Variants in CC2D2A observed in about 807,000 individuals in gnomAD.
CC2D2A encodes coiled-coil and C2 domain containing 2A, also known as coiled-coil and C2 domain-containing protein 2A.
A neutral mutation model predicts 212.9 loss-of-function variants in CC2D2A; 155 were observed. The observed-to-expected ratio is 0.73, with a 90% CI of 0.64 to 0.83. CC2D2A has a LOEUF of 0.83. Ranked by LOEUF, CC2D2A falls within the 40% of genes least tolerant of loss-of-function variation. The pLI is 0.00. For missense variants in CC2D2A, 1,856 were observed against 1,956.2 expected (o/e 0.95, Z 0.97); for synonymous variants, 667 against 686.5 (o/e 0.97, Z 0.44).
chr4:15,551,295 G>A (rs1718997053), intron 18 of CC2D2A, among the ~76,000 whole-genome samples: 2 of 152,188 alleles, frequency 1.3e-5, no homozygotes, highest in South Asian at 2.1e-4. Flanking sequence ...GGACAAACAT[G>A]TATGCATAAA....
At chr4:15,598,090 T>A (rs753617739) in intron 35 of CC2D2A, among the ~76,000 whole-genome samples, 35 of 152,208 alleles carry the variant, frequency 2.3e-4, no homozygotes, top group Non-Finnish European at 4.4e-4. Flanking sequence ...TACTCTCAAT[T>A]TCTCCATAAT....
chr4:15,480,367 G>GT (rs1465896434), intron 3 of CC2D2A, among the ~76,000 whole-genome samples: 1 of 152,166 alleles, frequency 6.6e-6, no homozygotes. Context: ...TTTAGCTGCT[G>GT]TTTGCAAACT....
chr4:15,497,770 T>C (rs1298692745), intron 4 of CC2D2A, among the ~76,000 whole-genome samples: 1 of 152,220 alleles, frequency 6.6e-6, no homozygotes, highest in Non-Finnish European at 1.5e-5. Context: ...AAACATCTTT[T>C]CATGTGCTAG....
intron 8 of CC2D2A, among the ~76,000 whole-genome samples, chr4:15,512,129 C>G (rs912549847): frequency 1.1e-4 from 16 of 152,316 alleles, no homozygotes; most frequent in Non-Finnish European, 2.2e-4. Context: ...AACAGTGCAG[C>G]TGCTGTGAAA....
At chr4:15,568,300 A>G (rs890970578) in intron 26 of CC2D2A, among the ~76,000 whole-genome samples, 2 of 152,272 alleles carry the variant, frequency 1.3e-5, no homozygotes. Flanking sequence ...AGAAGAAACT[A>G]AAACCCAAAA....
chr4:15,543,112 G>T (rs554299566), intron 17 of CC2D2A, among the ~76,000 whole-genome samples: 2 of 152,264 alleles, frequency 1.3e-5, no homozygotes, highest in East Asian at 3.9e-4. Flanking sequence ...TGTGATCTGG[G>T]GGGTGGGTGA....
intron 27 of CC2D2A, among the ~76,000 whole-genome samples, chr4:15,570,097 ACTGT>A (rs1401791119): frequency 6.6e-6 from 1 of 152,112 alleles, no homozygotes; most frequent in Non-Finnish European, 1.5e-5. Context: ...TTTTCACTTG[ACTGT>A]CTGCACTGTG....
intron 28 of CC2D2A, among the ~76,000 whole-genome samples, chr4:15,572,656 G>C (rs1720222460): frequency 6.6e-6 from 1 of 151,742 alleles, no homozygotes; most frequent in South Asian, 2.1e-4. Flanking sequence ...GCCTGTATTA[G>C]GGTTCTCTAA....
intron 9 of CC2D2A, among the ~76,000 whole-genome samples, 188 bp downstream of exon 9, chr4:15,515,057 T>C (rs1403918102): frequency 6.6e-6 from 1 of 152,222 alleles, no homozygotes; most frequent in African/African-American, 2.4e-5. Flanking sequence ...CAAACACTTA[T>C]TGATAGACTA....
At chr4:15,492,929 C>T (rs1715389201) in intron 4 of CC2D2A, 4 of 531,962 alleles carry the variant, frequency 7.5e-6, no homozygotes, top group African/African-American at 3.8e-5. Context: ...CTTGAGGGGG[C>T]CCTCTGATGC....
intron 36 of CC2D2A, among the ~76,000 whole-genome samples, chr4:15,600,903 C>CAAAAAAAAAAAAA (rs5856308): frequency 2.2e-5 from 2 of 93,010 alleles, no homozygotes; most frequent in African/African-American, 8.5e-5. Context: ...AGACCTGTCT[C>CAAAAAAAAAAAAA]AAAAAAAAAA....
At chr4:15,539,120 A>C (rs1718289954) in intron 16 of CC2D2A, among the ~76,000 whole-genome samples, 1 of 152,244 alleles carries the variant, frequency 6.6e-6, no homozygotes, top group Admixed American at 6.5e-5. Context: ...AAAACTAGCC[A>C]GATAATTAAA....
chr4:15,537,950 G>A lies in CC2D2A; in HGVS notation c.1816G>A (p.Glu606Lys), dbSNP rs777560300. 1.2e-6 allele frequency: 2 copies of A among 1,609,680 alleles called. No individual in the cohort carries two copies. Among genetic ancestry groups the A allele is most frequent in the East Asian group, 2.2e-5 (1 of 44,726 alleles). Residue 606 changes from glutamate to lysine, a missense_variant, in exon 16 of 37, where the codon GAG becomes AAG. Coordinates refer to ENST00000424120, the MANE Select transcript of CC2D2A (RefSeq NM_001378615.1). ...AGCAGCAGAAGAACATCCCGGTGAT[G>A]AGATTGCAGAGCCGTATCCCGAGGA... is the stretch of plus-strand genomic sequence containing the variant. ...KQAAEEHPGD[E>K]IAEPYPEEDL...
At chr4:15,544,091 T>G (rs1179277369) in intron 17 of CC2D2A, 1 of 152,216 alleles carries the variant, frequency 6.6e-6, no homozygotes, top group Non-Finnish European at 1.5e-5. Flanking sequence ...CCATCTTCAC[T>G]GCTTCCCACA....
intron 33 of CC2D2A, among the ~76,000 whole-genome samples, chr4:15,591,950 G>A (rs1721125319): frequency 6.6e-6 from 1 of 152,082 alleles, no homozygotes; most frequent in Admixed American, 6.6e-5. Flanking sequence ...TTATGATGTT[G>A]TGCATCCCCC....
intron 4 of CC2D2A, among the ~76,000 whole-genome samples, chr4:15,485,423 A>G (rs1339272406): frequency 6.6e-6 from 1 of 152,224 alleles, no homozygotes; most frequent in East Asian, 1.9e-4. Flanking sequence ...TGTTGTGAAT[A>G]GTGCTGCAGT....
In CC2D2A at chr4:15,550,971, G is replaced by C; in HGVS notation, c.2329G>C (p.Val777Leu). ...GCATGTGACACTGGACCACGAGGGA[G>C]TTGGAAGTGGTATGGAAAGCTAATA... is the stretch of plus-strand genomic sequence containing the variant. Reference protein sequence around the residue: ...NQHVTLDHEGVGSGVPFSFEA... With the variant: ...NQHVTLDHEGLGSGVPFSFEA... The change falls in exon 18 of 37, where the codon GTT becomes CTT. Residue 777 changes from valine (V) to leucine (L), a missense_variant. This residue lies in a region of CC2D2A where 1,512 missense variants were observed against 1,579.3 expected (regional missense o/e 0.96). Coordinates refer to ENST00000424120, the MANE Select transcript of CC2D2A (RefSeq NM_001378615.1). 1 of 1,592,938 alleles carries C rather than the reference G, an allele frequency of 6.3e-7. No homozygotes were observed. The highest frequency in any genetic ancestry group is 1.1e-5 in the South Asian group (1 of 89,340).
intron 31 of CC2D2A, among the ~76,000 whole-genome samples, chr4:15,586,997 G>A (rs570897915): frequency 6.6e-6 from 1 of 152,270 alleles, no homozygotes; most frequent in African/African-American, 2.4e-5. Flanking sequence ...TCTATAAGAA[G>A]TTACTGAAAG....
At chr4:15,492,269 A>G (rs1715346702) in intron 4 of CC2D2A, among the ~76,000 whole-genome samples, 1 of 151,606 alleles carries the variant, frequency 6.6e-6, no homozygotes, top group Admixed American at 6.6e-5. Context: ...GAATAGATCT[A>G]ATGATTACTT....
Sources: gnomAD v4.1 joint callset for allele counts (sites outside exome capture counted in the v4.1 genomes callset) on GRCh38, gnomAD v4.1.1 for gene constraint, gnomAD v4.1.1 regional missense constraint, MANE v1.5 for transcripts, NCBI Gene and HGNC (gene_info 2026-07-23, HGNC 2026-07-21) for gene names.